WDR37: variants seen among roughly 807,000 people sequenced by gnomAD.
The protein encoded by WDR37 is WD repeat-containing protein 37.
In WDR37, 19 loss-of-function variants were observed where a neutral mutation model predicts 62.9. The ratio of observed to expected loss-of-function variants is 0.30; its 90% CI spans 0.21 to 0.44. WDR37 has a LOEUF of 0.44. Ranked by LOEUF, WDR37 falls within the 20% of genes least tolerant of loss-of-function variation. The probability of loss-of-function intolerance (pLI) is 1.00; values close to 1 mark genes in which losing one functional copy is unlikely to be tolerated. For missense variants in WDR37, 474 were observed against 657.6 expected, an observed-to-expected ratio of 0.72 and a Z score of 3.05; for synonymous variants, 250 against 260.9, an observed-to-expected ratio of 0.96 and a Z score of 0.40.
At chr10:1,113,428 G>T (rs1225141289) in intron 11 of WDR37, among the ~76,000 whole-genome samples, 1 of 152,206 alleles carries the variant, frequency 6.6e-6, no homozygotes, top group Non-Finnish European at 1.5e-5. Context: ...CATGGTTCAA[G>T]GAGTCATTTT....
At chr10:1,059,958 C>T (rs1357889227) in intron 1 of WDR37, among the ~76,000 whole-genome samples, 3 of 152,104 alleles carry the variant, frequency 2.0e-5, no homozygotes, top group Non-Finnish European at 4.4e-5. Context: ...AATTCTCGTG[C>T]CTCAGCCTCC....
At chr10:1,098,950 TCTCA>T (rs1834696092) in intron 9 of WDR37, among the ~76,000 whole-genome samples, 1 of 152,250 alleles carries the variant, frequency 6.6e-6, no homozygotes, top group Non-Finnish European at 1.5e-5. Flanking sequence ...GGATCCTGTT[TCTCA>T]CTGTTTCATC....
At chr10:1,082,410 C>T (rs1445963292) in intron 5 of WDR37, among the ~76,000 whole-genome samples, 1 of 152,162 alleles carries the variant, frequency 6.6e-6, no homozygotes, top group Non-Finnish European at 1.5e-5. Context: ...TAACCTGCAG[C>T]CCTCTTTAAA....
chr10:1,079,531 T>A (rs1833965785), intron 3 of WDR37, among the ~76,000 whole-genome samples: 1 of 151,870 alleles, frequency 6.6e-6, no homozygotes, highest in Non-Finnish European at 1.5e-5. Context: ...CTCTAATGGT[T>A]TCTTTCTTTC....
At chr10:1,086,944 C>G (rs979384923) in intron 7 of WDR37, among the ~76,000 whole-genome samples, 6 of 152,252 alleles carry the variant, frequency 3.9e-5, no homozygotes, top group Non-Finnish European at 8.8e-5. Context: ...GCAGTGCCCT[C>G]TTCACTTGCT....
At chr10:1,074,212 G>A (rs988921329) in intron 2 of WDR37, among the ~76,000 whole-genome samples, 6 of 152,174 alleles carry the variant, frequency 3.9e-5, no homozygotes, top group Non-Finnish European at 7.4e-5. Context: ...GTAGGTTCAC[G>A]TACATTTCTA....
rs568189594 is a variant in WDR37, at chr10:1,057,995, C to CA, written c.-41+1028dup. On this transcript the variant is annotated intron_variant, in intron 1 of 13. Coordinates refer to ENST00000263150, the MANE Select transcript of WDR37 (RefSeq NM_014023.4). Reference sequence around the variant, plus strand: ...GAACTTCCCCCAACCCCAGCAGACACACACACTGTTCTGGTTACTTTCCTG... The same window carrying CA: ...GAACTTCCCCCAACCCCAGCAGACACAACACACTGTTCTGGTTACTTTCCTG... Among the ~76,000 whole-genome samples, 739 of 151,744 alleles carry CA rather than the reference C, an allele frequency of 4.9e-3. 7 individuals carry two copies. The highest frequency in any genetic ancestry group is 0.016 in the African/African-American group (672 of 41,418).
At chr10:1,097,992 C>T (rs1037612577) in intron 9 of WDR37, among the ~76,000 whole-genome samples, 17 of 152,074 alleles carry the variant, frequency 1.1e-4, no homozygotes, top group African/African-American at 4.1e-4. Context: ...CACACCTTAG[C>T]GCTGATGCTG....
At chr10:1,085,278 T>C (rs1834165177) in intron 6 of WDR37, among the ~76,000 whole-genome samples, 2 of 152,222 alleles carry the variant, frequency 1.3e-5, no homozygotes, top group Non-Finnish European at 2.9e-5. Context: ...GGCCCTCTTT[T>C]TCTTATCCAC....
At chr10:1,085,075 C>T (rs970374153) in intron 6 of WDR37, among the ~76,000 whole-genome samples, 1 of 152,228 alleles carries the variant, frequency 6.6e-6, no homozygotes, top group Non-Finnish European at 1.5e-5. Flanking sequence ...AGCGATTCTC[C>T]TGCCTCAGCC....
chr10:1,129,029 G>A (rs997359597), intron 13 of WDR37, among the ~76,000 whole-genome samples, 184 bp from the exon 14 acceptor site: 3 of 151,224 alleles, frequency 2.0e-5, no homozygotes, highest in African/African-American at 7.3e-5. Context: ...ATGCACGGTG[G>A]TCCATGATCT....
At chr10:1,093,155 T>A (rs1002248978) in intron 7 of WDR37, among the ~76,000 whole-genome samples, 1 of 152,208 alleles carries the variant, frequency 6.6e-6, no homozygotes, top group African/African-American at 2.4e-5. Flanking sequence ...TTCTTTTTTT[T>A]AATCCTGATT....
chr10:1,123,198 G>C (rs1376263103), intron 11 of WDR37, among the ~76,000 whole-genome samples: 3 of 152,120 alleles, frequency 2.0e-5, no homozygotes, highest in African/African-American at 7.2e-5. Flanking sequence ...ATAGAAGCAG[G>C]TTCCAAGAGT....
In WDR37 at chr10:1,069,389, A is replaced by ATATATATTTTTT; in HGVS notation, c.-40-2726_-40-2725insATATATTTTTTT. On this transcript the variant is annotated intron_variant, in intron 1 of 13. Transcript: ENST00000263150. ...GGAAAGAATATATATATATATATAT[A>ATATATATTTTTT]TTTTTTTTTTTTTTTTTTGCAGCAG... is the stretch of plus-strand genomic sequence containing the variant. Among the ~76,000 whole-genome samples the ATATATATTTTTT allele has an allele frequency of 7.7e-4, 74 of 95,762 alleles. 1 individual carries two copies. Among genetic ancestry groups the ATATATATTTTTT allele is most frequent in the African/African-American group, 3.1e-3 (66 of 21,332 alleles). The allele number at this position is 95,762 out of a possible 152,430, so 62.8% of individuals were successfully genotyped here.
chr10:1,084,253 G>A, intron 5 of WDR37, 150 bp from the exon 6 acceptor site: 6 of 1,048,668 alleles, frequency 5.7e-6, no homozygotes, highest in Non-Finnish European at 8.2e-6. Context: ...GGGCGTTTCA[G>A]CTCACACTTG....
Position 1,106,183 on chromosome 10 carries a change from C to G in WDR37, c.1103+916C>G, listed in dbSNP as rs115831521. ...AATGATGAGACCGTCTGCCCAGTCA[C>G]GGGGGCTGTCTACCTAGAGTGTTCC... is the stretch of plus-strand genomic sequence containing the variant. On this transcript the variant is annotated intron_variant, in intron 11 of 13. Transcript: ENST00000263150. Among the ~76,000 whole-genome samples the G allele has an allele frequency of 3.9e-3, 593 of 152,258 alleles. 4 individuals carry two copies. The highest frequency in any genetic ancestry group is 0.014 in the African/African-American group (566 of 41,552).
At chr10:1,063,452 AC>A (rs1490092043) in intron 1 of WDR37, among the ~76,000 whole-genome samples, 1 of 152,058 alleles carries the variant, frequency 6.6e-6, no homozygotes, top group Admixed American at 6.5e-5. Flanking sequence ...ATCACAGGAA[AC>A]CCTGCAGCAC....
intron 7 of WDR37, among the ~76,000 whole-genome samples, chr10:1,087,895 CTGTT>C (rs1239040120): frequency 2.0e-5 from 3 of 152,236 alleles, no homozygotes; most frequent in Non-Finnish European, 2.9e-5. Context: ...CAATATAAGG[CTGTT>C]TGTTTGCATT....
chr10:1,065,452 C>G (rs1833505983), intron 1 of WDR37, among the ~76,000 whole-genome samples: 2 of 151,842 alleles, frequency 1.3e-5, no homozygotes, highest in Admixed American at 1.3e-4. Flanking sequence ...AAAATGTTTA[C>G]CCCACGAGAA....
Sources: allele counts gnomAD v4.1 joint callset (sites outside exome capture counted in the v4.1 genomes callset), GRCh38; gene constraint gnomAD v4.1.1; transcripts MANE v1.5; gene names NCBI Gene and HGNC (gene_info 2026-07-23, HGNC 2026-07-21).